LDLRAD4: variants seen among roughly 807,000 people sequenced by gnomAD.
The protein encoded by LDLRAD4 is low-density lipoprotein receptor class A domain-containing protein 4.
Under a neutral mutation model 17.0 loss-of-function variants are expected in LDLRAD4, and 5 were observed. The ratio of observed to expected loss-of-function variants is 0.29; its 90% CI spans 0.15 to 0.62. The LOEUF (loss-of-function observed/expected upper bound fraction) is 0.62. Among genes scored for constraint, LDLRAD4 ranks in the 20% least tolerant of loss-of-function variants. LDLRAD4 has a pLI of 0.84. For synonymous variants in LDLRAD4, 168 were observed against 171.8 expected (o/e 0.98, Z 0.17); for missense variants, 340 against 424.7 (o/e 0.80, Z 1.75).
chr18:13,285,253 T>C lies in LDLRAD4; in HGVS notation c.-383+7065T>C, dbSNP rs183542410. ...CCTGGGGAGAATGCCAGGGCTTTGA[T>C]AGGATTCTCAGGAGGGTTTTGACCT... is the stretch of plus-strand genomic sequence containing the variant. On this transcript the variant is annotated intron_variant, in intron 1 of 5. Coordinates refer to ENST00000359446, the Ensembl canonical transcript of LDLRAD4. Among the ~76,000 whole-genome samples, 341 of 152,202 alleles carry C rather than the reference T, an allele frequency of 2.2e-3. 1 individual carries two copies. The highest frequency in any genetic ancestry group is 3.2e-3 in the Non-Finnish European group (216 of 67,992).
At chr18:13,404,543 A>T (rs2087541411) in intron 2 of LDLRAD4, among the ~76,000 whole-genome samples, 1 of 152,088 alleles carries the variant, frequency 6.6e-6, no homozygotes, top group Admixed American at 6.5e-5. Context: ...CATGCTTGTA[A>T]TCCCAGCACC....
chr18:13,508,273 C>T (rs1237351354), intron 3 of LDLRAD4, among the ~76,000 whole-genome samples: 1 of 152,178 alleles, frequency 6.6e-6, no homozygotes, highest in African/African-American at 2.4e-5. Context: ...ATCTACATAC[C>T]ATCAAAGTGC....
At chr18:13,447,882 C>T (rs971194711) in intron 3 of LDLRAD4, among the ~76,000 whole-genome samples, 1 of 152,138 alleles carries the variant, frequency 6.6e-6, no homozygotes, top group Admixed American at 6.5e-5. Context: ...TCTAAGGACA[C>T]GCAATGAGAC....
At chr18:13,491,287 C>G (rs2093352271) in intron 3 of LDLRAD4, 1 of 152,312 alleles carries the variant, frequency 6.6e-6, no homozygotes, top group East Asian at 1.9e-4. Flanking sequence ...TGTGGCTGAT[C>G]ACCTCTGGAA....
At chr18:13,506,511 C>T (rs2093696255) in intron 3 of LDLRAD4, among the ~76,000 whole-genome samples, 1 of 152,000 alleles carries the variant, frequency 6.6e-6, no homozygotes, top group South Asian at 2.1e-4. Flanking sequence ...TTATAAACAT[C>T]ACATACATTT....
intron 1 of LDLRAD4, among the ~76,000 whole-genome samples, chr18:13,326,313 G>T (rs1348486608): frequency 1.3e-5 from 2 of 152,142 alleles, no homozygotes; most frequent in East Asian, 3.8e-4. Flanking sequence ...TTACATTCTT[G>T]TGAGACTCTA....
intron 3 of LDLRAD4, chr18:13,620,730 G>A (rs190706799): frequency 2.5e-4 from 59 of 236,186 alleles, no homozygotes; most frequent in East Asian, 1.1e-3. Flanking sequence ...TTGGAGGCAA[G>A]GGGCTGAAGT....
intron 4 of LDLRAD4, among the ~76,000 whole-genome samples, chr18:13,623,395 C>T (rs7242760): frequency 0.016 from 2,463 of 152,356 alleles, 81 homozygotes; most frequent in African/African-American, 0.056. Context: ...ATACAGTGTT[C>T]CCCCTGAGAG....
At chr18:13,445,680 A>G (rs2091351253) in intron 3 of LDLRAD4, among the ~76,000 whole-genome samples, 1 of 148,856 alleles carries the variant, frequency 6.7e-6, no homozygotes, top group South Asian at 2.2e-4. Context: ...GTGTGTGTGC[A>G]TGTATGTGTG....
intron 3 of LDLRAD4, among the ~76,000 whole-genome samples, chr18:13,451,577 T>G (rs1463064376): frequency 6.6e-6 from 1 of 152,170 alleles, no homozygotes; most frequent in African/African-American, 2.4e-5. Flanking sequence ...AGATATTCCT[T>G]TATAGCAATG....
At chr18:13,495,974 C>T (rs1477653358) in intron 3 of LDLRAD4, among the ~76,000 whole-genome samples, 1 of 152,194 alleles carries the variant, frequency 6.6e-6, no homozygotes. Flanking sequence ...CCCCAGGCCC[C>T]TTCTAAACCC....
At chr18:13,574,581 A>C (rs769691281) in intron 3 of LDLRAD4, among the ~76,000 whole-genome samples, 4 of 152,250 alleles carry the variant, frequency 2.6e-5, no homozygotes, top group African/African-American at 7.2e-5. Flanking sequence ...CCTCTGTCTC[A>C]GGGTTAACTT....
intron 3 of LDLRAD4, among the ~76,000 whole-genome samples, chr18:13,460,478 C>G (rs1185233765): frequency 6.6e-6 from 1 of 152,240 alleles, no homozygotes; most frequent in African/African-American, 2.4e-5. Context: ...AGGCATGAGC[C>G]ATGCACCCGT....
In LDLRAD4 at chr18:13,365,302, G is replaced by A. The variant is rs192008474; in HGVS notation, c.-382-22039G>A. Among the ~76,000 whole-genome samples, 22 of 152,294 alleles carry A rather than the reference G, an allele frequency of 1.4e-4. No homozygotes were observed. In the East Asian group the frequency reaches 2.5e-3, roughly 17 times the overall value. On this transcript the variant is annotated intron_variant, in intron 1 of 5. Transcript: ENST00000359446. ...AGAAAGCTCCGTTAACTAAGTCTGG[G>A]TGCTGTCTTCTCGCAGAGATGCTGG...
intron 3 of LDLRAD4, among the ~76,000 whole-genome samples, chr18:13,535,079 T>C (rs2094183992): frequency 6.6e-6 from 1 of 152,238 alleles, no homozygotes. Flanking sequence ...CACTCATCCA[T>C]TGACGGAACT....
chr18:13,475,926 GAAA>G (rs1568217688), intron 3 of LDLRAD4, among the ~76,000 whole-genome samples: 1 of 152,226 alleles, frequency 6.6e-6, no homozygotes, highest in African/African-American at 2.4e-5. Flanking sequence ...GATGGAGGAG[GAAA>G]TGGAAATGGT....
chr18:13,242,226 T>A (rs1221972795), intron 1 of LDLRAD4: 2 of 152,284 alleles, frequency 1.3e-5, no homozygotes, highest in African/African-American at 4.8e-5. Context: ...AGGAAATTCA[T>A]CAAAACAATT....
At chr18:13,318,301 G>T (rs772880514) in intron 1 of LDLRAD4, among the ~76,000 whole-genome samples, 9 of 151,392 alleles carry the variant, frequency 5.9e-5, no homozygotes, top group African/African-American at 2.2e-4. Context: ...TCCCTCTGTC[G>T]CCCAGGCTGG....
intron 3 of LDLRAD4, among the ~76,000 whole-genome samples, chr18:13,516,578 A>ATT (rs1332798411): frequency 6.6e-6 from 1 of 152,162 alleles, no homozygotes; most frequent in Non-Finnish European, 1.5e-5. Flanking sequence ...AATTTCGTTT[A>ATT]TTTCTAAAAA....
Sources: gnomAD v4.1 joint callset for allele counts (sites outside exome capture counted in the v4.1 genomes callset) on GRCh38, gnomAD v4.1.1 for gene constraint, MANE v1.5 for transcripts, NCBI Gene and HGNC (gene_info 2026-07-23, HGNC 2026-07-21) for gene names.